ZNF407: variants seen among roughly 807,000 people sequenced by gnomAD.
The protein encoded by ZNF407 is zinc finger protein 407.
ZNF407 carries 17 observed loss-of-function variants against 131.2 expected under a neutral mutation model. That is an observed-to-expected ratio of 0.13 (90% CI 0.09 to 0.19). The LOEUF is 0.19. Ranked by LOEUF, ZNF407 falls within the 10% of genes least tolerant of loss-of-function variation. ZNF407 has a pLI of 1.00. For missense variants in ZNF407, 2,681 were observed against 2,830.6 expected (o/e 0.95, Z 1.20); for synonymous variants, 1,156 against 1,062.0 (o/e 1.09, Z -1.72).
intron 8 of ZNF407, among the ~76,000 whole-genome samples, chr18:74,936,130 A>G (rs971604439): frequency 3.3e-5 from 5 of 152,208 alleles, no homozygotes; most frequent in African/African-American, 1.2e-4. Context: ...AAGACATTTT[A>G]AAGATATTTG....
chr18:74,892,176 A>T (rs1190448954), intron 7 of ZNF407, among the ~76,000 whole-genome samples: 1 of 152,204 alleles, frequency 6.6e-6, no homozygotes, highest in East Asian at 1.9e-4. Context: ...GTTTTTAAAT[A>T]GGAGGAGTTG....
chr18:74,979,156 C>T (rs1344371359), intron 8 of ZNF407, among the ~76,000 whole-genome samples: 1 of 152,054 alleles, frequency 6.6e-6, no homozygotes, highest in Non-Finnish European at 1.5e-5. Context: ...AGAAGTAGAA[C>T]CTGTACCCGC....
intron 8 of ZNF407, among the ~76,000 whole-genome samples, chr18:74,941,691 G>A (rs116471784): frequency 0.011 from 1,730 of 152,206 alleles, 33 homozygotes; most frequent in African/African-American, 0.038. Flanking sequence ...GTCCCCCTTC[G>A]TTTCTTTCCT....
chr18:74,984,674 G>A lies in ZNF407; in HGVS notation c.5428+63982G>A, dbSNP rs118073554. ...ACTAAATGATGGTTAAGAAAATCCC[G>A]TATTGTTTCTGAGATTTATTTAATG... is the stretch of plus-strand genomic sequence containing the variant. On this transcript the variant is annotated intron_variant, in intron 8 of 8. Transcript: ENST00000299687. Among the ~76,000 whole-genome samples, 26 of 152,276 alleles carry A rather than the reference G, an allele frequency of 1.7e-4. No homozygotes were observed. In the East Asian group the frequency reaches 2.1e-3, roughly 12 times the overall value.
At chr18:74,781,353 C>T in intron 3 of ZNF407, 75 bp from the exon 4 acceptor site, 1 of 1,044,170 alleles carries the variant, frequency 9.6e-7, no homozygotes, top group Non-Finnish European at 1.4e-6. Flanking sequence ...ATATATTATT[C>T]TTAAGTTCTC....
intron 3 of ZNF407, among the ~76,000 whole-genome samples, chr18:74,757,019 C>T (rs1191460951): frequency 1.3e-5 from 2 of 151,768 alleles, no homozygotes; most frequent in Non-Finnish European, 2.9e-5. Flanking sequence ...AACAGTTTGT[C>T]ATTTTTGATG....
At chr18:74,685,595 C>A (rs978340646) in intron 3 of ZNF407, among the ~76,000 whole-genome samples, 5 of 152,222 alleles carry the variant, frequency 3.3e-5, no homozygotes, top group African/African-American at 9.6e-5. Context: ...ATGCCCCTGA[C>A]TATTCCGGCT....
intron 4 of ZNF407, among the ~76,000 whole-genome samples, chr18:74,861,316 A>G (rs975238134): frequency 1.3e-4 from 20 of 152,238 alleles, no homozygotes; most frequent in Admixed American, 1.2e-3. Flanking sequence ...TCTGACAGAC[A>G]GTGTGTAAAT....
At chr18:74,826,017 G>T (rs940889936) in intron 4 of ZNF407, among the ~76,000 whole-genome samples, 3 of 152,114 alleles carry the variant, frequency 2.0e-5, no homozygotes, top group Non-Finnish European at 4.4e-5. Context: ...ATCTACGGTT[G>T]TATTTTATAC....
chr18:74,909,150 C>A (rs767457126), intron 7 of ZNF407, among the ~76,000 whole-genome samples: 1 of 151,638 alleles, frequency 6.6e-6, no homozygotes, highest in Non-Finnish European at 1.5e-5. Context: ...GCATACCTGC[C>A]TAATTAACTT....
chr18:74,943,515 G>T (rs1972123241), intron 8 of ZNF407, among the ~76,000 whole-genome samples: 1 of 152,192 alleles, frequency 6.6e-6, no homozygotes, highest in Non-Finnish European at 1.5e-5. Context: ...ACTGAAAAGA[G>T]AATGCAAATA....
chr18:74,803,878 G>A (rs1406257879), intron 4 of ZNF407: 22 of 1,410,298 alleles, frequency 1.6e-5, no homozygotes, highest in African/African-American at 2.8e-5. Context: ...CAGGAATGAC[G>A]GAGCGAAAAA....
intron 3 of ZNF407, among the ~76,000 whole-genome samples, chr18:74,715,355 A>C (rs116134378): frequency 6.6e-6 from 1 of 152,212 alleles, no homozygotes; most frequent in Non-Finnish European, 1.5e-5. Context: ...ATGTGACTCT[A>C]CGCTGGGTAT....
chr18:74,780,677 A>C (rs1017137069), intron 3 of ZNF407, among the ~76,000 whole-genome samples: 9 of 152,132 alleles, frequency 5.9e-5, no homozygotes, highest in African/African-American at 2.2e-4. Flanking sequence ...GAGCCATTTT[A>C]GTTTTGATGC....
chr18:74,966,828 A>G (rs764938740), intron 8 of ZNF407, among the ~76,000 whole-genome samples: 1 of 152,146 alleles, frequency 6.6e-6, no homozygotes, highest in Non-Finnish European at 1.5e-5. Flanking sequence ...GTCCTCTTCA[A>G]TTTCTTTCAT....
At chr18:75,023,044 C>G (rs567273905) in intron 8 of ZNF407, among the ~76,000 whole-genome samples, 9 of 152,204 alleles carry the variant, frequency 5.9e-5, no homozygotes, top group Non-Finnish European at 1.2e-4. Context: ...TTGGATGGAG[C>G]TGGAAGCCAT....
chr18:75,030,947 A>G (rs867199356), intron 8 of ZNF407, among the ~76,000 whole-genome samples: 3 of 152,222 alleles, frequency 2.0e-5, no homozygotes, highest in South Asian at 2.1e-4. Context: ...CTAAAGCACA[A>G]TGACTTCCCA....
chr18:74,719,508 T>C (rs1195108330), intron 3 of ZNF407, among the ~76,000 whole-genome samples: 2 of 152,216 alleles, frequency 1.3e-5, no homozygotes, highest in Non-Finnish European at 2.9e-5. Context: ...CACGCCATTC[T>C]CCTGCCTCAG....
intron 3 of ZNF407, among the ~76,000 whole-genome samples, chr18:74,746,809 A>G (rs1403682350): frequency 6.6e-6 from 1 of 152,178 alleles, no homozygotes; most frequent in Non-Finnish European, 1.5e-5. Flanking sequence ...ACGATAAGTA[A>G]AAGGAGTACA....
Sources: allele counts gnomAD v4.1 joint callset (sites outside exome capture counted in the v4.1 genomes callset), GRCh38; gene constraint gnomAD v4.1.1; transcripts MANE v1.5; gene names NCBI Gene and HGNC (gene_info 2026-07-23, HGNC 2026-07-21).